Variants in PPFIA2 observed in about 807,000 individuals in gnomAD.
PPFIA2 encodes liprin-alpha-2.
PPFIA2 carries 46 observed loss-of-function variants against 175.5 expected under a neutral mutation model. The observed-to-expected ratio is 0.26, with a 90% CI of 0.21 to 0.34. The LOEUF is 0.34. Ranked by LOEUF, PPFIA2 falls within the 10% of genes least tolerant of loss-of-function variation. The probability of loss-of-function intolerance (pLI) is 1.00; values close to 1 mark genes in which losing one functional copy is unlikely to be tolerated. For missense variants in PPFIA2, 1,179 were observed against 1,506.1 expected (o/e 0.78, Z 3.60); for synonymous variants, 568 against 511.4 (o/e 1.11, Z -1.49).
intron 3 of PPFIA2, among the ~76,000 whole-genome samples, chr12:81,722,747 A>G (rs1405281987): frequency 6.6e-6 from 1 of 150,996 alleles, no homozygotes; most frequent in Non-Finnish European, 1.5e-5. Flanking sequence ...AAAATATTAA[A>G]TTTATGTTCC....
At chr12:81,476,038 T>C (rs1443081604) in intron 4 of PPFIA2, among the ~76,000 whole-genome samples, 6 of 152,214 alleles carry the variant, frequency 3.9e-5, no homozygotes, top group African/African-American at 1.4e-4. Context: ...ACTGATGTCT[T>C]TTTGTTGATG....
intron 4 of PPFIA2, among the ~76,000 whole-genome samples, chr12:81,522,247 A>G (rs764981082): frequency 4.6e-5 from 7 of 152,208 alleles, no homozygotes; most frequent in African/African-American, 9.7e-5. Context: ...ACACCTTAAC[A>G]GGGAATAAAT....
At chr12:81,262,104 A>G in intron 31 of PPFIA2, 64 bp from the exon 32 acceptor site, 1 of 1,152,646 alleles carries the variant, frequency 8.7e-7, no homozygotes, top group Non-Finnish European at 1.3e-6. Context: ...TCAGATGAGA[A>G]AGATTTATTT....
chr12:81,619,451 A>G (rs1232706742), intron 4 of PPFIA2, among the ~76,000 whole-genome samples: 10 of 152,172 alleles, frequency 6.6e-5, no homozygotes, highest in Non-Finnish European at 1.3e-4. Flanking sequence ...GTGCCCATTC[A>G]AGAGTGAGTA....
chr12:81,291,531 C>T (rs2044980150), intron 24 of PPFIA2, among the ~76,000 whole-genome samples: 1 of 151,928 alleles, frequency 6.6e-6, no homozygotes. Flanking sequence ...GTGATCTATA[C>T]AATGATTATT....
chr12:81,493,578 G>A (rs1343528310), intron 4 of PPFIA2, among the ~76,000 whole-genome samples: 1 of 151,796 alleles, frequency 6.6e-6, no homozygotes, highest in Admixed American at 6.6e-5. Context: ...CAGGTTCACT[G>A]AAGAGATAGG....
chr12:81,701,649 A>G (rs529338444), intron 3 of PPFIA2, among the ~76,000 whole-genome samples: 4 of 152,312 alleles, frequency 2.6e-5, no homozygotes, highest in African/African-American at 9.6e-5. Flanking sequence ...AAATTTAAAA[A>G]GCACATTTTA....
chr12:81,290,805 C>T (rs2044736117), intron 24 of PPFIA2, among the ~76,000 whole-genome samples: 1 of 151,696 alleles, frequency 6.6e-6, no homozygotes, highest in African/African-American at 2.4e-5. Flanking sequence ...ACAAATATAG[C>T]AATGGAAATA....
intron 4 of PPFIA2, among the ~76,000 whole-genome samples, chr12:81,477,594 TGA>T (rs1189602391): frequency 1.3e-5 from 2 of 152,190 alleles, no homozygotes; most frequent in African/African-American, 2.4e-5. Context: ...CTTAGTTTAT[TGA>T]GAGTTTTTAG....
At chr12:81,324,394 T>C (rs1162753961) in intron 22 of PPFIA2, among the ~76,000 whole-genome samples, 1 of 152,014 alleles carries the variant, frequency 6.6e-6, no homozygotes, top group Non-Finnish European at 1.5e-5. Flanking sequence ...TTATATGCAA[T>C]TGTGAAAGCT....
intron 3 of PPFIA2, among the ~76,000 whole-genome samples, chr12:81,721,556 T>G (rs2079343110): frequency 6.6e-6 from 1 of 151,340 alleles, no homozygotes; most frequent in South Asian, 2.1e-4. Flanking sequence ...TATTAAGACA[T>G]GATTTCAAAA....
At chr12:81,456,744 T>C (rs1330088273) in intron 5 of PPFIA2, among the ~76,000 whole-genome samples, 1 of 151,158 alleles carries the variant, frequency 6.6e-6, no homozygotes, top group East Asian at 2.1e-4. Flanking sequence ...AATTTAGTGA[T>C]TTTTTTTCTC....
intron 8 of PPFIA2, among the ~76,000 whole-genome samples, chr12:81,392,071 T>C (rs1269324745): frequency 6.6e-6 from 1 of 151,754 alleles, no homozygotes; most frequent in Admixed American, 6.6e-5. Flanking sequence ...AGTCCTCTTA[T>C]AAAAGACAGG....
At chr12:81,469,130 G>C (rs1188969558) in intron 4 of PPFIA2, among the ~76,000 whole-genome samples, 4 of 152,048 alleles carry the variant, frequency 2.6e-5, no homozygotes, top group African/African-American at 9.7e-5. Context: ...AGATACTGAG[G>C]GATATTTTTT....
chr12:81,497,356 G>A (rs920529414), intron 4 of PPFIA2, among the ~76,000 whole-genome samples: 1 of 151,654 alleles, frequency 6.6e-6, no homozygotes, highest in Non-Finnish European at 1.5e-5. Context: ...ATCTTTCCAA[G>A]ATTATTTGTA....
At chr12:81,317,083 A>G (rs2052542471) in intron 22 of PPFIA2, among the ~76,000 whole-genome samples, 1 of 151,716 alleles carries the variant, frequency 6.6e-6, no homozygotes, top group Non-Finnish European at 1.5e-5. Flanking sequence ...ATTACAACTA[A>G]TCAATGTGAT....
chr12:81,741,328 A>G (rs2082294257), intron 3 of PPFIA2, among the ~76,000 whole-genome samples: 1 of 152,180 alleles, frequency 6.6e-6, no homozygotes, highest in Non-Finnish European at 1.5e-5. Flanking sequence ...TAAGATTTTT[A>G]ATATATGATA....
At chr12:81,572,124 T>C (rs2153415235) in intron 4 of PPFIA2, among the ~76,000 whole-genome samples, 1 of 152,078 alleles carries the variant, frequency 6.6e-6, no homozygotes, top group East Asian at 1.9e-4. Flanking sequence ...TGTTAGGACA[T>C]GTCAAACAAT....
At chr12:81,267,727 G>GT (rs1565809283) in intron 29 of PPFIA2, among the ~76,000 whole-genome samples, 185 bp downstream of exon 29, 2 of 136,968 alleles carry the variant, frequency 1.5e-5, no homozygotes, top group African/African-American at 5.9e-5. Flanking sequence ...TTAATTGTAT[G>GT]ATTTTTTTTT....
Sources: gnomAD v4.1 joint callset for allele counts (sites outside exome capture counted in the v4.1 genomes callset) on GRCh38, gnomAD v4.1.1 for gene constraint, MANE v1.5 for transcripts, NCBI Gene and HGNC (gene_info 2026-07-23, HGNC 2026-07-21) for gene names.